WFDC8: variants seen among roughly 807,000 people sequenced by gnomAD.
WFDC8 encodes WAP four-disulfide core domain protein 8.
In WFDC8, 24 loss-of-function variants were observed where a neutral mutation model predicts 27.0. The observed-to-expected ratio is 0.89, with a 90% CI of 0.64 to 1.25. WFDC8 has a LOEUF of 1.25. Ranked by LOEUF, WFDC8 falls within the 50% of genes most tolerant of loss-of-function variation. WFDC8 has a pLI of 0.00. For synonymous variants in WFDC8, 106 were observed against 99.7 expected, an observed-to-expected ratio of 1.06 and a Z score of -0.38; for missense variants, 287 against 295.9, an observed-to-expected ratio of 0.97 and a Z score of 0.22.
chr20:45,578,266 G>C (rs1417752507), intron 1 of WFDC8, among the ~76,000 whole-genome samples: 1 of 151,264 alleles, frequency 6.6e-6, no homozygotes, highest in Non-Finnish European at 1.5e-5. Context: ...CTCAGTATTT[G>C]CTAATCCGGT....
chr20:45,568,217 G>A, intron 1 of WFDC8: 1 of 262,428 alleles, frequency 3.8e-6, no homozygotes, highest in South Asian at 5.4e-5. Context: ...AAACATCAGA[G>A]TACAATCATG....
intron 3 of WFDC8, 131 bp from the exon 4 acceptor site, chr20:45,555,999 A>G (rs1980233705): frequency 1.1e-6 from 1 of 887,336 alleles, no homozygotes; most frequent in African/African-American, 1.7e-5. Context: ...AGGGGAAAAA[A>G]AAAGGCATAG....
intron 1 of WFDC8, among the ~76,000 whole-genome samples, chr20:45,563,051 A>G (rs554363790): frequency 7.9e-5 from 12 of 152,234 alleles, no homozygotes; most frequent in Non-Finnish European, 1.8e-4. Context: ...ATCTTGGAAT[A>G]GAGTATCTTC....
At chr20:45,566,508 C>A (rs1390270820) in intron 1 of WFDC8, among the ~76,000 whole-genome samples, 2 of 151,816 alleles carry the variant, frequency 1.3e-5, no homozygotes, top group South Asian at 4.2e-4. Context: ...CTAAAAAATA[C>A]AAAAATTAGT....
At chr20:45,556,927 T>C (rs1568994686) in intron 3 of WFDC8, among the ~76,000 whole-genome samples, 1 of 152,188 alleles carries the variant, frequency 6.6e-6, no homozygotes, top group Non-Finnish European at 1.5e-5. Flanking sequence ...AAAAAGGTCA[T>C]GGTCACTGTT....
At chr20:45,557,943 G>A (rs1473663379) in intron 3 of WFDC8, among the ~76,000 whole-genome samples, 3 of 152,080 alleles carry the variant, frequency 2.0e-5, no homozygotes, top group African/African-American at 7.2e-5. Context: ...AAATCTCCTA[G>A]AACATCTGTA....
At chr20:45,552,902 T>C (rs993218250) in intron 5 of WFDC8, among the ~76,000 whole-genome samples, 5 of 152,200 alleles carry the variant, frequency 3.3e-5, no homozygotes, top group African/African-American at 9.6e-5. Context: ...ATAAGTTTTC[T>C]TGGGGAAGAA....
At chr20:45,570,959 G>A (rs1343318037) in intron 1 of WFDC8, among the ~76,000 whole-genome samples, 1 of 152,060 alleles carries the variant, frequency 6.6e-6, no homozygotes, top group Non-Finnish European at 1.5e-5. Flanking sequence ...TTCAAATGTT[G>A]GTGGGAAGAT....
intron 2 of WFDC8, among the ~76,000 whole-genome samples, chr20:45,559,259 T>C (rs537724926): frequency 6.6e-6 from 1 of 152,268 alleles, no homozygotes; most frequent in African/African-American, 2.4e-5. Flanking sequence ...CCAAGGCCCT[T>C]TCCCTAAATT....
chr20:45,556,233 G>T lies in WFDC8; in HGVS notation c.278-365C>A, dbSNP rs1980243247. ...TTTGCATTGTTAAAATTTGCCATTT[G>T]ATATTAGAATACATTCTTAAATAAA... On this transcript the variant is annotated intron_variant, in intron 3 of 5. Coordinates refer to ENST00000289953, the MANE Select transcript of WFDC8 (RefSeq NM_130896.3). 2.6e-5 allele frequency among the ~76,000 whole-genome samples: 4 copies of T among 152,168 alleles called. No homozygotes were observed. The South Asian group carries it at 8.3e-4, about 31-fold the overall frequency.
chr20:45,555,570 TC>T, intron 4 of WFDC8, 130 bp downstream of exon 4: 1 of 1,043,848 alleles, frequency 9.6e-7, no homozygotes, highest in Non-Finnish European at 1.4e-6. Context: ...GCCCAAGACC[TC>T]CCAGCCAGTG....
At chr20:45,576,391 G>A (rs917057599) in intron 1 of WFDC8, among the ~76,000 whole-genome samples, 5 of 150,266 alleles carry the variant, frequency 3.3e-5, no homozygotes, top group East Asian at 1.9e-4. Flanking sequence ...ATAAAACTTC[G>A]TCTTAGAGTT....
intron 1 of WFDC8, among the ~76,000 whole-genome samples, chr20:45,574,181 A>G (rs1443697498): frequency 6.6e-6 from 1 of 152,202 alleles, no homozygotes; most frequent in African/African-American, 2.4e-5. Flanking sequence ...GAAAAACTAA[A>G]TAGATCAACA....
chr20:45,571,562 G>C (rs1980870970), intron 1 of WFDC8, among the ~76,000 whole-genome samples: 1 of 152,120 alleles, frequency 6.6e-6, no homozygotes, highest in Admixed American at 6.5e-5. Context: ...ATAGATCTCA[G>C]AGACTTCTTT....
At chr20:45,556,751 G>A (rs981426811) in intron 3 of WFDC8, among the ~76,000 whole-genome samples, 3 of 152,134 alleles carry the variant, frequency 2.0e-5, no homozygotes, top group Non-Finnish European at 4.4e-5. Context: ...AATATATATT[G>A]TTTTGAAGGG....
intron 1 of WFDC8, among the ~76,000 whole-genome samples, chr20:45,570,595 A>G (rs1481435639): frequency 6.6e-6 from 1 of 152,158 alleles, no homozygotes; most frequent in African/African-American, 2.4e-5. Flanking sequence ...GTTTGGGGCA[A>G]TTATGAATGA....
intron 1 of WFDC8, among the ~76,000 whole-genome samples, chr20:45,564,863 GAGAGA>G (rs1043548326): frequency 5.0e-5 from 6 of 120,712 alleles, no homozygotes; most frequent in Non-Finnish European, 7.5e-5. Flanking sequence ...GAAAGGAAAG[GAGAGA>G]AGAGGAGAGG....
chr20:45,575,336 A>G (rs895614490), intron 1 of WFDC8, among the ~76,000 whole-genome samples: 4 of 152,218 alleles, frequency 2.6e-5, no homozygotes, highest in African/African-American at 9.6e-5. Context: ...TTCAGGATAC[A>G]AAATCAACAT....
chr20:45,553,320 TC>T (rs1568992896), intron 4 of WFDC8, 44 bp from the exon 5 acceptor site: 1 of 1,583,498 alleles, frequency 6.3e-7, no homozygotes. Flanking sequence ...CCCACCCCCA[TC>T]CCACCACCCT....
Sources: allele counts gnomAD v4.1 joint callset (sites outside exome capture counted in the v4.1 genomes callset), GRCh38; gene constraint gnomAD v4.1.1; transcripts MANE v1.5; gene names NCBI Gene and HGNC (gene_info 2026-07-23, HGNC 2026-07-21).